BARX2: variants seen among roughly 807,000 people sequenced by gnomAD.
BARX2 encodes homeobox protein BarH-like 2.
BARX2 carries 11 observed loss-of-function variants against 25.5 expected under a neutral mutation model. That is an observed-to-expected ratio of 0.43 (90% CI 0.27 to 0.71). The LOEUF is 0.71. Ranked by LOEUF, BARX2 falls within the 30% of genes least tolerant of loss-of-function variation. BARX2 has a pLI of 0.19. For missense variants in BARX2, 360 were observed against 359.9 expected, an observed-to-expected ratio of 1.00 and a Z score of 0.00; for synonymous variants, 137 against 149.5, an observed-to-expected ratio of 0.92 and a Z score of 0.61.
chr11:129,382,400 A>C (rs1159984540), intron 1 of BARX2, among the ~76,000 whole-genome samples: 1 of 152,074 alleles, frequency 6.6e-6, no homozygotes, highest in Non-Finnish European at 1.5e-5. Context: ...GCTGGTCTCG[A>C]ACTTCTGACC....
At chr11:129,395,659 T>A (rs1227398786) in intron 1 of BARX2, among the ~76,000 whole-genome samples, 1 of 152,176 alleles carries the variant, frequency 6.6e-6, no homozygotes, top group Non-Finnish European at 1.5e-5. Flanking sequence ...AATCCACTCC[T>A]CTCATCTCTC....
chr11:129,425,045 G>T (rs970456082), intron 1 of BARX2, among the ~76,000 whole-genome samples: 1 of 152,196 alleles, frequency 6.6e-6, no homozygotes, highest in African/African-American at 2.4e-5. Flanking sequence ...AGCTTGTAGA[G>T]AAGTATTACT....
chr11:129,420,605 T>C (rs1299476450), intron 1 of BARX2, among the ~76,000 whole-genome samples: 1 of 152,252 alleles, frequency 6.6e-6, no homozygotes, highest in Non-Finnish European at 1.5e-5. Context: ...ATATAGTCTT[T>C]TGCCTTTCGT....
At chr11:129,434,421 T>TAAAAAAAAAAAAAAAAAAAAAAA (rs56344103) in intron 1 of BARX2, among the ~76,000 whole-genome samples, 1 of 76,376 alleles carries the variant, frequency 1.3e-5, no homozygotes. Flanking sequence ...AAAAAGTAAG[T>TAAAAAAAAAAAAAAAAAAAAAAA]AAAAAAAAAA....
At chr11:129,392,161 T>C (rs1861672633) in intron 1 of BARX2, among the ~76,000 whole-genome samples, 1 of 152,190 alleles carries the variant, frequency 6.6e-6, no homozygotes, top group Non-Finnish European at 1.5e-5. Flanking sequence ...GAAGCACGAC[T>C]CTCTCTAGTT....
chr11:129,408,091 G>A (rs1042434704), intron 1 of BARX2, among the ~76,000 whole-genome samples: 27 of 151,394 alleles, frequency 1.8e-4, no homozygotes, highest in Non-Finnish European at 5.9e-5. Context: ...AAGGAGAAGC[G>A]GGCAAACAGA....
intron 3 of BARX2, among the ~76,000 whole-genome samples, chr11:129,446,994 C>T (rs1862337971): frequency 6.6e-6 from 1 of 152,120 alleles, no homozygotes; most frequent in Non-Finnish European, 1.5e-5. Context: ...TGGGTAATTG[C>T]AAATAAATAA....
At chr11:129,387,826 A>G (rs1014005887) in intron 1 of BARX2, among the ~76,000 whole-genome samples, 1 of 152,212 alleles carries the variant, frequency 6.6e-6, no homozygotes, top group Non-Finnish European at 1.5e-5. Context: ...CAACAATAAT[A>G]AATGGCAACC....
At chr11:129,401,637 G>T (rs1255625880) in intron 1 of BARX2, among the ~76,000 whole-genome samples, 1 of 152,116 alleles carries the variant, frequency 6.6e-6, no homozygotes, top group Admixed American at 6.6e-5. Flanking sequence ...CACCTTGTAG[G>T]TAGAGACTTG....
In BARX2 at chr11:129,407,526, C is replaced by T. The variant is rs577113025; in HGVS notation, c.188-29225C>T. Among the ~76,000 whole-genome samples the T allele has an allele frequency of 2.1e-3, 327 of 152,276 alleles. 1 individual carries two copies. Among genetic ancestry groups the T allele is most frequent in the Non-Finnish European group, 3.9e-3 (263 of 68,022 alleles). On this transcript the variant is annotated intron_variant, in intron 1 of 3. Transcript: ENST00000281437. The stretch of plus-strand genomic sequence containing the variant: ...TGCTTTGCACTTCTGTTGAGACTTG[C>T]GCTAGGATCAGCCCAAATCCCATGT...
chr11:129,379,365 A>C (rs375117001), intron 1 of BARX2, among the ~76,000 whole-genome samples: 2 of 152,204 alleles, frequency 1.3e-5, no homozygotes, highest in South Asian at 2.1e-4. Flanking sequence ...TTAAATCTGT[A>C]AACAGTAATC....
intron 1 of BARX2, among the ~76,000 whole-genome samples, chr11:129,422,747 G>A (rs1423229323): frequency 3.4e-5 from 5 of 146,338 alleles, no homozygotes; most frequent in South Asian, 2.2e-4. Flanking sequence ...CTTTTCGCCC[G>A]GACTGGAGTG....
rs1359429956 is a variant in BARX2 at position 129,390,966 on chromosome 11, C to T, written c.187+14744C>T. Among the ~76,000 whole-genome samples the T allele has an allele frequency of 6.6e-6, 1 of 152,226 alleles. No individual in the cohort carries two copies. ...TTAAAGTAGAACTCCTGTCAAAAAC[C>T]TTTCCTCCAGAGCCTCCACTGCCTC... On this transcript the variant is annotated intron_variant, in intron 1 of 3. Transcript: ENST00000281437. This position sits in a 1 kb window ranked among gnomAD's most constrained non-coding sequence, Gnocchi z 4.3.
intron 1 of BARX2, among the ~76,000 whole-genome samples, chr11:129,378,801 C>A (rs1591423450): frequency 1.4e-5 from 2 of 141,550 alleles, no homozygotes; most frequent in African/African-American, 2.6e-5. Context: ...CCAGCATGTA[C>A]AATAAGTGCA....
intron 2 of BARX2, among the ~76,000 whole-genome samples, chr11:129,441,162 C>A (rs1385259618): frequency 6.6e-6 from 1 of 152,122 alleles, no homozygotes; most frequent in African/African-American, 2.4e-5. Flanking sequence ...CTTGTCCCAC[C>A]CGGTTGTTTG....
chr11:129,406,842 C>G (rs1372673839), intron 1 of BARX2, among the ~76,000 whole-genome samples: 1 of 152,134 alleles, frequency 6.6e-6, no homozygotes, highest in Non-Finnish European at 1.5e-5. Context: ...AAAGGGACCA[C>G]TGGAGTAATT....
chr11:129,429,011 T>G (rs985320532), intron 1 of BARX2, among the ~76,000 whole-genome samples: 28 of 148,454 alleles, frequency 1.9e-4, no homozygotes, highest in East Asian at 4.0e-4. Flanking sequence ...AGTTGTGTTT[T>G]TTTTTTTTTT....
intron 1 of BARX2, among the ~76,000 whole-genome samples, chr11:129,429,037 A>G (rs907912342): frequency 1.4e-5 from 2 of 145,546 alleles, no homozygotes; most frequent in Non-Finnish European, 3.0e-5. Context: ...AAGATTTTTC[A>G]TTAGGTTTAA....
intron 1 of BARX2, among the ~76,000 whole-genome samples, chr11:129,403,975 C>A (rs1861803129): frequency 6.6e-6 from 1 of 152,194 alleles, no homozygotes; most frequent in Non-Finnish European, 1.5e-5. Context: ...GAAAGGTCAG[C>A]AGGTATAAGG....
Sources: allele counts gnomAD v4.1 joint callset (sites outside exome capture counted in the v4.1 genomes callset), GRCh38; gene constraint gnomAD v4.1.1; non-coding constraint Gnocchi (gnomAD v3.1); transcripts MANE v1.5; gene names NCBI Gene and HGNC (gene_info 2026-07-23, HGNC 2026-07-21).